MFSD12: variants seen among roughly 807,000 people sequenced by gnomAD.
MFSD12 encodes major facilitator superfamily domain-containing protein 12.
A neutral mutation model predicts 51.2 loss-of-function variants in MFSD12; 67 were observed. The ratio of observed to expected loss-of-function variants is 1.31; its 90% CI spans 1.08 to 1.60. The LOEUF is 1.60. Ranked by LOEUF, MFSD12 falls within the 40% of genes most tolerant of loss-of-function variation. The pLI, the probability that MFSD12 is intolerant of heterozygous loss-of-function variation, is 0.00. For missense variants in MFSD12, 921 were observed against 673.0 expected (o/e 1.37, Z -4.08); for synonymous variants, 441 against 316.7 (o/e 1.39, Z -4.17).
downstream of MFSD12, chr19:3,542,347 T>C: frequency 1.0e-6 from 1 of 985,460 alleles, no homozygotes; most frequent in Non-Finnish European, 1.2e-6. Flanking sequence ...GGGCTTTCCG[T>C]GCAGGGCAGA....
intron 2 of MFSD12, among the ~76,000 whole-genome samples, chr19:3,549,529 C>T (rs1421345201): frequency 6.6e-6 from 1 of 151,586 alleles, no homozygotes; most frequent in Non-Finnish European, 1.5e-5. Context: ...TCGAGACCAG[C>T]CTGGCCAAGA....
chr19:3,549,862 G>A (rs1278039801), intron 2 of MFSD12, among the ~76,000 whole-genome samples: 1 of 151,452 alleles, frequency 6.6e-6, no homozygotes, highest in Non-Finnish European at 1.5e-5. Flanking sequence ...GAAACCCCGT[G>A]TCTACTAAAA....
rs750015368 is a variant in MFSD12, at chr19:3,544,674, C to T, written c.*36G>A. Reference sequence around the variant, plus strand: ...TGGGGGGCATCCTCGTGCGTCCCCACAGTTCCCTTGCACAGGTGCAGGAGG... The same window carrying T: ...TGGGGGGCATCCTCGTGCGTCCCCATAGTTCCCTTGCACAGGTGCAGGAGG... On this transcript the variant is annotated 3_prime_UTR_variant, in exon 10 of 10. Coordinates refer to ENST00000355415, the MANE Select transcript of MFSD12 (RefSeq NM_174983.5). 34 of 1,572,142 alleles carry T rather than the reference C, an allele frequency of 2.2e-5. No homozygotes were observed. The highest frequency in any genetic ancestry group is 2.5e-5 in the Non-Finnish European group (29 of 1,155,888).
chr19:3,557,164 G>A lies in MFSD12; in HGVS notation c.240C>T (p.Ala80=), dbSNP rs896166425. 2 of 1,526,442 alleles carry A rather than the reference G, an allele frequency of 1.3e-6. No individual in the cohort carries two copies. The highest frequency in any genetic ancestry group is 1.4e-5 in the African/African-American group (1 of 69,646). 94.6% of individuals were successfully genotyped at this position (1,526,442 alleles called of 1,614,324 possible). The change falls in exon 1 of 10, where the codon GCC becomes GCT. Residue 80 remains alanine, a synonymous_variant. Transcript: ENST00000355415. ...GLCTPLVGYE[A]DRAASCCARY... Reference sequence around the variant, plus strand: ...GGGCGCAGCAGCTGGCGGCGCGGTCGGCCTCGTAGCCCACGAGCGGTGTGC... The same window carrying A: ...GGGCGCAGCAGCTGGCGGCGCGGTCAGCCTCGTAGCCCACGAGCGGTGTGC...
In MFSD12 at chr19:3,544,642, A is replaced by G; in HGVS notation, c.*68T>C. On this transcript the variant is annotated 3_prime_UTR_variant, in exon 10 of 10. Coordinates refer to ENST00000355415, the MANE Select transcript of MFSD12 (RefSeq NM_174983.5). ...TGAGGGGCAGTGGGGGCTTTTCCCCAAGGCCCTGGGGGGCATCCTCGTGCG... is the reference window on the plus strand; with the variant it reads ...TGAGGGGCAGTGGGGGCTTTTCCCCGAGGCCCTGGGGGGCATCCTCGTGCG... The G allele has an allele frequency of 3.9e-6, 6 of 1,528,298 alleles. No homozygotes were observed. Among genetic ancestry groups the G allele is most frequent in the Admixed American group, 2.0e-5 (1 of 50,952 alleles). The allele number at this position is 1,528,298 out of a possible 1,614,324, so 94.7% of individuals were successfully genotyped here.
Position 3,551,168 on chromosome 19 carries a change from G to T in MFSD12, c.325C>A (p.Pro109Thr). 6.2e-7 allele frequency: 1 copy of T among 1,611,504 alleles called. No individual in the cohort carries two copies. Among genetic ancestry groups the T allele is most frequent in the Non-Finnish European group, 8.5e-7 (1 of 1,179,438 alleles). The change falls in exon 2 of 10, where the codon CCC becomes ACC. Residue 109 changes from proline to threonine, a missense_variant. Transcript: ENST00000355415. This position sits in a 1 kb window ranked among gnomAD's most constrained non-coding sequence, Gnocchi z 4.6. ...VGTVCVLLSF[P>T]FIFSPCLGCG... ...CCCAGGCAGGGGCTGAAGATGAAGG[G>T]GAAGGACAGCAGGACGCAGACGGTG...
intron 8 of MFSD12, 25 bp from the exon 9 acceptor site, chr19:3,544,964 T>C (rs1272082866): frequency 1.9e-6 from 3 of 1,588,294 alleles, no homozygotes; most frequent in Non-Finnish European, 2.6e-6. Flanking sequence ...GGGGGATGAG[T>C]AGGCACCGCG....
downstream of MFSD12, chr19:3,539,258 C>G (rs901700648): frequency 1.9e-6 from 3 of 1,544,506 alleles, no homozygotes; most frequent in Non-Finnish European, 2.6e-6. Context: ...CACCGCTGTA[C>G]AGGTGAGCCC....
In MFSD12 at chr19:3,551,152, G is replaced by A; in HGVS notation, c.341C>T (p.Pro114Leu). The A allele has an allele frequency of 3.1e-6, 5 of 1,612,470 alleles. No homozygotes were observed. Among genetic ancestry groups the A allele is most frequent in the Non-Finnish European group, 4.2e-6 (5 of 1,179,764 alleles). ...CGTGGCCGCCCCACAGCCCAGGCAG[G>A]GGCTGAAGATGAAGGGGAAGGACAG... ...VLLSFPFIFS[P>L]CLGCGAATPE... Residue 114 changes from proline (P) to leucine (L), a missense_variant, in exon 2 of 10, where the codon CCC becomes CTC. By Grantham distance (98) the Pro-to-Leu change is moderately conservative. Transcript: ENST00000355415. The surrounding 1 kb of genome is among the most constrained non-coding windows in gnomAD (Gnocchi z 4.6).
chr19:3,557,573 A>C lies in MFSD12; in HGVS notation c.-170T>G. 5 of 268,306 alleles carry C rather than the reference A, an allele frequency of 1.9e-5. No homozygotes were observed. The highest frequency in any genetic ancestry group is 1.9e-5 in the Non-Finnish European group (3 of 157,044). The allele number at this position is 268,306 out of a possible 1,614,324, so 16.6% of individuals were successfully genotyped here. A position where few individuals can be genotyped will look rare whatever the true frequency, so the allele number is the denominator to read the frequency against. On this transcript the variant is annotated 5_prime_UTR_variant, in exon 1 of 10. Coordinates refer to ENST00000355415, the MANE Select transcript of MFSD12 (RefSeq NM_174983.5). ...CACCCACGTCCGCCGCGTCCGCCCC[A>C]CGCTCGACTCTGCAGCCGCCGGGCC...
rs1338758500 is a variant in MFSD12 at position 3,554,760 on chromosome 19, C to A, written c.298+2346G>T. On this transcript the variant is annotated intron_variant, in intron 1 of 9. Transcript: ENST00000355415. ...GGGTCGTCTCGGGATTGTGGGGGAG[C>A]TCCCCAGGACTTGTTAAAGGGCAAA... 1.3e-5 allele frequency among the ~76,000 whole-genome samples: 2 copies of A among 152,230 alleles called. 1 individual carries two copies. The highest frequency in any genetic ancestry group is 3.9e-4 in the East Asian group (2 of 5,194).
chr19:3,543,622 C>A (rs1415915374), downstream of MFSD12: 1 of 1,544,770 alleles, frequency 6.5e-7, no homozygotes, highest in Admixed American at 2.0e-5. Context: ...ACCAGGCCCC[C>A]AGCACCCGGT....
downstream of MFSD12, chr19:3,543,685 G>T: frequency 1.3e-5 from 20 of 1,532,332 alleles, no homozygotes; most frequent in Non-Finnish European, 1.8e-5. Flanking sequence ...AATACGGTGA[G>T]GCTAGGTGCA....
downstream of MFSD12, chr19:3,543,910 C>T (rs202172544): frequency 2.1e-4 from 327 of 1,551,136 alleles, 1 homozygote; most frequent in East Asian, 2.0e-3. Flanking sequence ...CCCCAGCGCC[C>T]GCCCGGCACC....
chr19:3,551,477 G>A lies in MFSD12; in HGVS notation c.299-283C>T, dbSNP rs968067960. Among the ~76,000 whole-genome samples, 8 of 152,066 alleles carry A rather than the reference G, an allele frequency of 5.3e-5. No individual in the cohort carries two copies. The highest frequency in any genetic ancestry group is 1.4e-4 in the African/African-American group (6 of 41,412). ...GAAACCTGCCCCCCACAGGTGCCCC[G>A]GTTACAGCCGCAGCCTCCCCCAGCT... On this transcript the variant is annotated intron_variant, in intron 1 of 9. Transcript: ENST00000355415. This position sits in a 1 kb window ranked among gnomAD's most constrained non-coding sequence, Gnocchi z 4.6.
downstream of MFSD12, chr19:3,542,157 A>C: frequency 3.0e-6 from 3 of 985,282 alleles, no homozygotes; most frequent in Non-Finnish European, 3.6e-6. Context: ...TGTGTCTTGC[A>C]ATTCATTTCA....
In MFSD12 at chr19:3,551,902, C is replaced by T. The variant is rs1038768690; in HGVS notation, c.299-708G>A. On this transcript the variant is annotated intron_variant, in intron 1 of 9. Coordinates refer to ENST00000355415, the MANE Select transcript of MFSD12 (RefSeq NM_174983.5). The surrounding 1 kb of genome is among the most constrained non-coding windows in gnomAD (Gnocchi z 4.6). The stretch of plus-strand genomic sequence containing the variant: ...TGCAGGACCTCTTCAACATGCCAGG[C>T]GGTCCTGCCCCCGGGCCTTTGCATG... Among the ~76,000 whole-genome samples the T allele has an allele frequency of 1.3e-5, 2 of 152,162 alleles. No homozygotes were observed. Among genetic ancestry groups the T allele is most frequent in the African/African-American group, 4.8e-5 (2 of 41,436 alleles).
At chr19:3,545,571 TG>T (rs1402667060) in intron 8 of MFSD12, among the ~76,000 whole-genome samples, 1 of 152,240 alleles carries the variant, frequency 6.6e-6, no homozygotes, top group African/African-American at 2.4e-5. Flanking sequence ...AAGCCCTCCC[TG>T]GCTTCCTGCC....
At chr19:3,538,478 C>T (rs1243580013) in exon 5 of MFSD12, 10 of 324,726 alleles carry the variant, frequency 3.1e-5, no homozygotes, top group South Asian at 2.3e-4. Context: ...CCCACGAATC[C>T]TCTCCCTGAT....
Sources: gnomAD v4.1 joint callset for allele counts (sites outside exome capture counted in the v4.1 genomes callset) on GRCh38, gnomAD v4.1.1 for gene constraint, Gnocchi (gnomAD v3.1) non-coding constraint, MANE v1.5 for transcripts, NCBI Gene and HGNC (gene_info 2026-07-23, HGNC 2026-07-21) for gene names.